The following ZNF407 variants were observed in gnomAD, a reference collection of about 807,000 sequenced individuals.
ZNF407 encodes the protein zinc finger protein 407.
In ZNF407, 17 loss-of-function variants were observed where a neutral mutation model predicts 131.2. The ratio of observed to expected loss-of-function variants is 0.13; its 90% CI spans 0.09 to 0.19. ZNF407 has a LOEUF of 0.19. ZNF407 is among the 10% of genes least tolerant of loss of function. ZNF407 has a pLI of 1.00. For missense variants in ZNF407, 2,681 were observed against 2,830.6 expected, an observed-to-expected ratio of 0.95 and a Z score of 1.20; for synonymous variants, 1,156 against 1,062.0, an observed-to-expected ratio of 1.09 and a Z score of -1.72.
At chr18:74,768,070 A>G (rs1201279421) in intron 3 of ZNF407, among the ~76,000 whole-genome samples, 9 of 152,140 alleles carry the variant, frequency 5.9e-5, no homozygotes, top group Admixed American at 5.2e-4. Flanking sequence ...CATAAATTAC[A>G]ACTTGAATAT....
chr18:74,755,306 C>T (rs957774291), intron 3 of ZNF407, among the ~76,000 whole-genome samples: 16 of 151,832 alleles, frequency 1.1e-4, no homozygotes, highest in African/African-American at 3.4e-4. Flanking sequence ...CCAGTTTGCC[C>T]GTCTGTGTCT....
intron 3 of ZNF407, among the ~76,000 whole-genome samples, chr18:74,692,107 A>G (rs1322839925): frequency 6.6e-6 from 1 of 151,918 alleles, no homozygotes; most frequent in Non-Finnish European, 1.5e-5. Context: ...AAAATAAAAA[A>G]TGTGTGCGTG....
rs540923647 is a variant in ZNF407, at chr18:74,783,553, T to G, written c.4877+2051T>G. Among the ~76,000 whole-genome samples the G allele has an allele frequency of 1.3e-3, 180 of 143,094 alleles. 1 individual carries two copies. Among genetic ancestry groups the G allele is most frequent in the Non-Finnish European group, 1.7e-3 (112 of 66,196 alleles). The allele number at this position is 143,094 out of a possible 152,430, so 93.9% of individuals were successfully genotyped here. On this transcript the variant is annotated intron_variant, in intron 4 of 8. Coordinates refer to ENST00000299687, the MANE Select transcript of ZNF407 (RefSeq NM_017757.3). ...GAATTTGAGAATCAAAAATTTACTG[T>G]TTTTTTTTTTCATTTACCCTTTTCG...
intron 3 of ZNF407, among the ~76,000 whole-genome samples, chr18:74,672,469 C>CATTGGAGCACTGTTTGTGA (rs1986182716): frequency 6.8e-6 from 1 of 146,946 alleles, no homozygotes; most frequent in Non-Finnish European, 1.5e-5. Flanking sequence ...ACTGTTTGTT[C>CATTGGAGCACTGTTTGTGA]ATTGGAGCAC....
rs1447721125 is a variant in ZNF407 at position 74,815,649 on chromosome 18, T to A, written c.4877+34147T>A. 2.0e-5 allele frequency among the ~76,000 whole-genome samples: 3 copies of A among 152,210 alleles called. No individual in the cohort carries two copies. The East Asian group carries it at 5.8e-4, about 29-fold the overall frequency. ...AATACCATTGATTTTCCATTATTAT[T>A]GTTCTTTACAGAAAAGCTTCAGTAA... is the stretch of plus-strand genomic sequence containing the variant. On this transcript the variant is annotated intron_variant, in intron 4 of 8. Transcript: ENST00000299687.
intron 8 of ZNF407, among the ~76,000 whole-genome samples, chr18:75,060,968 G>C (rs1343948246): frequency 1.3e-5 from 2 of 152,132 alleles, no homozygotes; most frequent in African/African-American, 4.8e-5. Context: ...ATGTCCCCTT[G>C]GTAAACGTGA....
At chr18:74,882,792 C>T (rs1054030485) in intron 6 of ZNF407, among the ~76,000 whole-genome samples, 60 of 152,274 alleles carry the variant, frequency 3.9e-4, no homozygotes, top group Non-Finnish European at 2.9e-5. Flanking sequence ...GGCAATTGTT[C>T]TTGACCACTG....
At chr18:74,713,480 A>C (rs1226542101) in intron 3 of ZNF407, among the ~76,000 whole-genome samples, 1 of 151,898 alleles carries the variant, frequency 6.6e-6, no homozygotes, top group Non-Finnish European at 1.5e-5. Context: ...AGATTTAAAA[A>C]ATAGATTTTA....
intron 3 of ZNF407, among the ~76,000 whole-genome samples, chr18:74,771,804 T>A (rs1969367704): frequency 6.6e-6 from 1 of 152,086 alleles, no homozygotes. Context: ...GTTTTTCTCT[T>A]CATCATATAA....
At position 75,028,060 on chromosome 18, in the gene ZNF407, C is replaced by G. The variant is rs546351261; in HGVS notation, c.5429-35090C>G. Among the ~76,000 whole-genome samples the G allele has an allele frequency of 1.5e-4, 23 of 152,270 alleles. 1 individual carries two copies. The highest frequency in any genetic ancestry group is 5.3e-4 in the African/African-American group (22 of 41,546). On this transcript the variant is annotated intron_variant, in intron 8 of 8. Coordinates refer to ENST00000299687, the MANE Select transcript of ZNF407 (RefSeq NM_017757.3). ...TGGGCCACTGCAGTCCTGGAAGATT[C>G]CAATTTTGAGTATTTACTCATTCAA...
chr18:75,019,884 G>T (rs1973087108), intron 8 of ZNF407, among the ~76,000 whole-genome samples: 1 of 152,072 alleles, frequency 6.6e-6, no homozygotes, highest in Non-Finnish European at 1.5e-5. Flanking sequence ...GGTCTCATGA[G>T]AACTTACTCA....
intron 7 of ZNF407, among the ~76,000 whole-genome samples, chr18:74,908,318 A>G (rs990008168): frequency 6.6e-6 from 1 of 152,088 alleles, no homozygotes; most frequent in Non-Finnish European, 1.5e-5. Flanking sequence ...CATTTTTGTA[A>G]TTTGGTTTCC....
At chr18:74,757,714 CT>C (rs1968995811) in intron 3 of ZNF407, among the ~76,000 whole-genome samples, 1 of 152,012 alleles carries the variant, frequency 6.6e-6, no homozygotes, top group African/African-American at 2.4e-5. Flanking sequence ...CACATTAAGT[CT>C]ATTTATTACT....
At chr18:74,894,439 GA>G (rs1202580087) in intron 7 of ZNF407, among the ~76,000 whole-genome samples, 7 of 151,776 alleles carry the variant, frequency 4.6e-5, no homozygotes, top group East Asian at 3.9e-4. Context: ...GAATGAAATA[GA>G]AAAAAAATTA....
In ZNF407 at chr18:74,864,254, G is replaced by A. The variant is rs371701537; in HGVS notation, c.4878-12943G>A. Among the ~76,000 whole-genome samples, 328 of 152,246 alleles carry A rather than the reference G, an allele frequency of 2.2e-3. 2 individuals are homozygous for A. The highest frequency in any genetic ancestry group is 2.7e-3 in the Non-Finnish European group (184 of 68,010). Reference sequence around the variant, plus strand: ...ACATGCCTTCAGAAGTTTGAGAGTCGTACTACACCTTATCCTAGGACTGGA... The same window carrying A: ...ACATGCCTTCAGAAGTTTGAGAGTCATACTACACCTTATCCTAGGACTGGA... On this transcript the variant is annotated intron_variant, in intron 4 of 8. Coordinates refer to ENST00000299687, the MANE Select transcript of ZNF407 (RefSeq NM_017757.3).
At chr18:75,010,475 G>A (rs987261046) in intron 8 of ZNF407, among the ~76,000 whole-genome samples, 4 of 152,130 alleles carry the variant, frequency 2.6e-5, no homozygotes, top group Non-Finnish European at 5.9e-5. Flanking sequence ...TGGGTCACAG[G>A]CTGATTTTCT....
At chr18:75,044,184 T>C (rs1973405817) in intron 8 of ZNF407, among the ~76,000 whole-genome samples, 1 of 152,174 alleles carries the variant, frequency 6.6e-6, no homozygotes, top group African/African-American at 2.4e-5. Context: ...AGAACTGATA[T>C]TAGATCCAGT....
intron 8 of ZNF407, among the ~76,000 whole-genome samples, chr18:74,924,769 C>T (rs1599246721): frequency 6.6e-6 from 1 of 152,106 alleles, no homozygotes; most frequent in Non-Finnish European, 1.5e-5. Context: ...GGAGAGGCTG[C>T]TCAGCCTTCT....
At chr18:74,761,410 T>G (rs1438602456) in intron 3 of ZNF407, among the ~76,000 whole-genome samples, 1 of 152,166 alleles carries the variant, frequency 6.6e-6, no homozygotes, top group Non-Finnish European at 1.5e-5. Flanking sequence ...ATTAGCCCTT[T>G]TCTATATCCC....
Sources: gnomAD v4.1 joint callset for allele counts (sites outside exome capture counted in the v4.1 genomes callset) on GRCh38, gnomAD v4.1.1 for gene constraint, MANE v1.5 for transcripts, NCBI Gene and HGNC (gene_info 2026-07-23, HGNC 2026-07-21) for gene names.